The following CNRIP1 variants were observed in gnomAD, a reference collection of about 807,000 sequenced individuals.
CNRIP1 encodes CB1 cannabinoid receptor-interacting protein 1.
In CNRIP1, 10 loss-of-function variants were observed where a neutral mutation model predicts 15.2. The ratio of observed to expected loss-of-function variants is 0.66; its 90% CI spans 0.41 to 1.12. CNRIP1 has a LOEUF of 1.12. Ranked by LOEUF, CNRIP1 falls within the 50% of genes most tolerant of loss-of-function variation. The probability of loss-of-function intolerance (pLI) is 0.00; values close to 1 mark genes in which losing one functional copy is unlikely to be tolerated. For synonymous variants in CNRIP1, 91 were observed against 83.2 expected (o/e 1.09, Z -0.51); for missense variants, 211 against 214.7 (o/e 0.98, Z 0.11).
chr2:68,308,968 C>A (rs1263248309), intron 2 of CNRIP1, among the ~76,000 whole-genome samples: 2 of 152,024 alleles, frequency 1.3e-5, no homozygotes, highest in Non-Finnish European at 2.9e-5. Flanking sequence ...GAGAAATATT[C>A]TCAGTTTCCC....
At chr2:68,302,338 C>T (rs1671641003) in intron 2 of CNRIP1, among the ~76,000 whole-genome samples, 2 of 152,168 alleles carry the variant, frequency 1.3e-5, no homozygotes, top group African/African-American at 4.8e-5. Flanking sequence ...ACCTCATATA[C>T]CTCCCTGCCT....
chr2:68,298,837 G>A (rs1671487173), intron 2 of CNRIP1, among the ~76,000 whole-genome samples: 1 of 152,060 alleles, frequency 6.6e-6, no homozygotes, highest in African/African-American at 2.4e-5. Context: ...AAACAGATGG[G>A]GTCTTGAAAG....
rs1275799537 is a variant in CNRIP1 at position 68,319,256 on chromosome 2, C to T, written c.145G>A (p.Glu49Lys). Residue 49 changes from glutamate (E) to lysine (K), a missense_variant, in exon 1 of 3, where the codon GAG becomes AAG. By Grantham distance (56) the Glu-to-Lys change is moderately conservative. Coordinates refer to ENST00000263655, the MANE Select transcript of CNRIP1 (RefSeq NM_015463.3). ...KLLTGSSYKV[E>K]VKIKPSTLQV... ...AGCGTGCTGGGTTTAATCTTCACCTCAACCTTGTAGGAGGAGCCGGTGAGC... is the reference window on the plus strand; with the variant it reads ...AGCGTGCTGGGTTTAATCTTCACCTTAACCTTGTAGGAGGAGCCGGTGAGC... The T allele has an allele frequency of 3.2e-6, 5 of 1,549,900 alleles. No homozygotes were observed. The Middle Eastern group carries it at 6.4e-4, about 198-fold the overall frequency.
At chr2:68,291,815 G>A (rs1030930746), downstream of CNRIP1, among the ~76,000 whole-genome samples, 1 of 149,418 alleles carries the variant, frequency 6.7e-6, no homozygotes, top group Non-Finnish European at 1.5e-5. Flanking sequence ...GGAGGTGGAG[G>A]TTGCAGTGAG....
downstream of CNRIP1, among the ~76,000 whole-genome samples, chr2:68,291,794 G>A (rs984701849): frequency 2.7e-5 from 4 of 148,160 alleles, no homozygotes; most frequent in African/African-American, 7.5e-5. Context: ...CAGGAGAATT[G>A]CTTGAACCTG....
rs370531667 is a variant in CNRIP1 at position 68,305,652 on chromosome 2, T to C, written c.330+11505A>G. Among the ~76,000 whole-genome samples, 292 of 151,120 alleles carry C rather than the reference T, an allele frequency of 1.9e-3. 1 individual carries two copies. Among genetic ancestry groups the C allele is most frequent in the Non-Finnish European group, 3.5e-3 (240 of 67,752 alleles). On this transcript the variant is annotated intron_variant, in intron 2 of 2. Transcript: ENST00000263655. ...CTACTAAAAATACAAAAGAATTAGCTGGGCATGGTGGCGAGCACCTGTAGT... is the reference window on the plus strand; with the variant it reads ...CTACTAAAAATACAAAAGAATTAGCCGGGCATGGTGGCGAGCACCTGTAGT...
At position 68,293,424 on chromosome 2, in the gene CNRIP1, T is replaced by C; in HGVS notation, c.*438A>G. On this transcript the variant is annotated 3_prime_UTR_variant, in exon 3 of 3. Transcript: ENST00000263655. ...GCTGGCAAACACTGCAAGTTACATG[T>C]TACCATATTACACATGGGAGGACCC... 1.0e-6 allele frequency: 1 copy of C among 986,828 alleles called. No homozygotes were observed. The highest frequency in any genetic ancestry group is 1.2e-6 in the Non-Finnish European group (1 of 830,768). The allele number at this position is 986,828 out of a possible 1,614,324, so 61.1% of individuals were successfully genotyped here.
chr2:68,303,014 A>AC (rs1671673327), intron 2 of CNRIP1, among the ~76,000 whole-genome samples: 2 of 151,710 alleles, frequency 1.3e-5, no homozygotes, highest in Admixed American at 6.6e-5. Flanking sequence ...CGCCCGGCTA[A>AC]TTTTTTGTAT....
At chr2:68,310,224 C>A (rs528739619) in intron 2 of CNRIP1, among the ~76,000 whole-genome samples, 1 of 152,104 alleles carries the variant, frequency 6.6e-6, no homozygotes, top group Non-Finnish European at 1.5e-5. Flanking sequence ...GCTACTCTGG[C>A]GGCTGAGGCA....
intron 2 of CNRIP1, among the ~76,000 whole-genome samples, chr2:68,306,640 G>T (rs1000463554): frequency 3.3e-5 from 5 of 152,058 alleles, no homozygotes; most frequent in Non-Finnish European, 7.4e-5. Flanking sequence ...ACTTAGCTGG[G>T]CGTGGTGGCG....
intron 2 of CNRIP1, among the ~76,000 whole-genome samples, chr2:68,294,573 C>T (rs1231098607): frequency 6.6e-6 from 1 of 152,192 alleles, no homozygotes; most frequent in Non-Finnish European, 1.5e-5. Flanking sequence ...ATAAAGTTTA[C>T]TGGCTTTTCT....
intron 2 of CNRIP1, 191 bp downstream of exon 2, chr2:68,316,966 G>A: frequency 8.5e-6 from 6 of 707,744 alleles, no homozygotes; most frequent in Middle Eastern, 2.4e-4. Flanking sequence ...TACAGGGTCA[G>A]TCTGTCATGC....
chr2:68,308,459 A>C (rs13432679), intron 2 of CNRIP1, among the ~76,000 whole-genome samples: 3,662 of 151,988 alleles, frequency 0.024, 161 homozygotes, highest in African/African-American at 0.082. Context: ...TAGAGACATA[A>C]TTTCTTATTT....
chr2:68,313,185 A>T (rs762261535), intron 2 of CNRIP1, among the ~76,000 whole-genome samples: 1 of 152,126 alleles, frequency 6.6e-6, no homozygotes, highest in Non-Finnish European at 1.5e-5. Flanking sequence ...GGAATTTCCA[A>T]ATTAAAAAGA....
rs554520133 is a variant in CNRIP1, at chr2:68,314,780, A to G, written c.330+2377T>C. ...TTGCAATATAAGAAATTTCTATGAA[A>G]CTGACCTTTGGAGAAGCATAGATTA... On this transcript the variant is annotated intron_variant, in intron 2 of 2. Coordinates refer to ENST00000263655, the MANE Select transcript of CNRIP1 (RefSeq NM_015463.3). 1.1e-4 allele frequency among the ~76,000 whole-genome samples: 16 copies of G among 152,214 alleles called. No homozygotes were observed. In the South Asian group the frequency reaches 3.1e-3, roughly 30 times the overall value.
At chr2:68,306,599 G>A (rs1480514060) in intron 2 of CNRIP1, among the ~76,000 whole-genome samples, 1 of 151,984 alleles carries the variant, frequency 6.6e-6, no homozygotes, top group East Asian at 1.9e-4. Context: ...TGTCCAATGT[G>A]GTGAAACCCT....
Position 68,317,122 on chromosome 2 carries a change from G to A in CNRIP1, c.330+35C>T, listed in dbSNP as rs142770661. 125 of 1,613,456 alleles carry A rather than the reference G, an allele frequency of 7.7e-5. No homozygotes were observed. The African/African-American group carries it at 1.6e-3, about 20-fold the overall frequency. Reference sequence around the variant, plus strand: ...CTTTTCTGTGGTTTCCATTTTCCATGGCACCATACTCCTATACCCGCAAGC... The same window carrying A: ...CTTTTCTGTGGTTTCCATTTTCCATAGCACCATACTCCTATACCCGCAAGC... On this transcript the variant is annotated intron_variant, in intron 2 of 2. Transcript: ENST00000263655.
At chr2:68,292,923 A>G, downstream of CNRIP1, 1 of 637,332 alleles carries the variant, frequency 1.6e-6, no homozygotes, top group Non-Finnish European at 2.0e-6. Context: ...GTCATCCTGT[A>G]GCATACAGGC....
At chr2:68,301,926 A>G (rs1202340238) in intron 2 of CNRIP1, among the ~76,000 whole-genome samples, 2 of 150,460 alleles carry the variant, frequency 1.3e-5, no homozygotes, top group Non-Finnish European at 3.0e-5. Context: ...ATACTAAGCA[A>G]CCTTAACAAA....
Sources: allele counts gnomAD v4.1 joint callset (sites outside exome capture counted in the v4.1 genomes callset), GRCh38; gene constraint gnomAD v4.1.1; transcripts MANE v1.5; gene names NCBI Gene and HGNC (gene_info 2026-07-23, HGNC 2026-07-21).